Variants in SSBP2 observed in about 807,000 individuals in gnomAD.
SSBP2 encodes single stranded DNA binding protein 2, also known as single-stranded DNA-binding protein 2.
In SSBP2, 17 loss-of-function variants were observed where a neutral mutation model predicts 61.8. The observed-to-expected ratio is 0.28, with a 90% CI of 0.19 to 0.41. The LOEUF (loss-of-function observed/expected upper bound fraction) is 0.41, where lower values mean the gene tolerates loss of function less well. Ranked by LOEUF, SSBP2 falls within the 10% of genes least tolerant of loss-of-function variation. The pLI is 1.00. For synonymous variants in SSBP2, 139 were observed against 141.3 expected (o/e 0.98, Z 0.12); for missense variants, 310 against 458.7 (o/e 0.68, Z 2.96).
At chr5:81,743,986 G>C (rs1272474386) in intron 1 of SSBP2, among the ~76,000 whole-genome samples, 1 of 152,142 alleles carries the variant, frequency 6.6e-6, no homozygotes, top group African/African-American at 2.4e-5. Flanking sequence ...CAATTAAGCT[G>C]TTTTCTGTCT....
rs1160528718 is a variant in SSBP2 at position 81,689,542 on chromosome 5, AG to A, written c.63-39204del. ...GCAGATTTCTCAGCTGAAACCTTAC[AG>A]GCCAGGAGAGAGTACCTAAAGTGCT... On this transcript the variant is annotated intron_variant, in intron 1 of 16. Transcript: ENST00000320672. 4.6e-5 allele frequency among the ~76,000 whole-genome samples: 7 copies of A among 152,106 alleles called. No homozygotes were observed. The East Asian group carries it at 1.4e-3, about 29-fold the overall frequency.
chr5:81,520,760 G>A (rs1170596263), intron 4 of SSBP2, among the ~76,000 whole-genome samples: 1 of 151,470 alleles, frequency 6.6e-6, no homozygotes, highest in Non-Finnish European at 1.5e-5. Context: ...TCTAATTTTT[G>A]TCCCTTGCTC....
At chr5:81,683,937 A>C (rs1203040297) in intron 1 of SSBP2, among the ~76,000 whole-genome samples, 1 of 152,228 alleles carries the variant, frequency 6.6e-6, no homozygotes, top group Non-Finnish European at 1.5e-5. Flanking sequence ...AAAATTCAAA[A>C]TACTGACACC....
intron 1 of SSBP2, among the ~76,000 whole-genome samples, chr5:81,696,883 G>A (rs1753641523): frequency 6.6e-6 from 1 of 152,076 alleles, no homozygotes; most frequent in Admixed American, 6.6e-5. Flanking sequence ...TTCCTCACCT[G>A]GCATCTGGCA....
At chr5:81,659,702 A>G (rs1750525236) in intron 1 of SSBP2, among the ~76,000 whole-genome samples, 1 of 152,146 alleles carries the variant, frequency 6.6e-6, no homozygotes, top group Non-Finnish European at 1.5e-5. Flanking sequence ...GAGCCTGTAT[A>G]ACCAAGACAA....
At chr5:81,441,623 A>G (rs754107504) in intron 13 of SSBP2, among the ~76,000 whole-genome samples, 3 of 152,168 alleles carry the variant, frequency 2.0e-5, no homozygotes, top group Non-Finnish European at 2.9e-5. Flanking sequence ...TTTGGCAGGC[A>G]AACCTGTACT....
At position 81,448,840 on chromosome 5, in the gene SSBP2, G is replaced by T. The variant is rs1763578048; in HGVS notation, c.688-15C>A. 1.2e-6 allele frequency: 2 copies of T among 1,608,232 alleles called. No homozygotes were observed. Among genetic ancestry groups the T allele is most frequent in the African/African-American group, 2.7e-5 (2 of 74,612 alleles). On this transcript the variant is annotated splice_polypyrimidine_tract_variant and intron_variant, in intron 10 of 16. Coordinates refer to ENST00000320672, the MANE Select transcript of SSBP2 (RefSeq NM_012446.5). ...GAGTATGGTATCTGGAACACGAATA[G>T]GACAAAAAAATTTTTGATTCATGTA...
chr5:81,447,028 A>G (rs1436184920), intron 11 of SSBP2, 106 bp from the exon 12 acceptor site: 21 of 714,324 alleles, frequency 2.9e-5, no homozygotes, highest in South Asian at 2.7e-5. Flanking sequence ...GAGCAGAAAT[A>G]TATTTTCTCT....
intron 15 of SSBP2, among the ~76,000 whole-genome samples, chr5:81,434,054 T>C (rs554594722): frequency 6.6e-6 from 1 of 152,200 alleles, no homozygotes. Context: ...AAAATCTTTA[T>C]GTTACAGCTA....
chr5:81,426,625 T>C (rs1488400195), intron 16 of SSBP2, among the ~76,000 whole-genome samples: 1 of 152,230 alleles, frequency 6.6e-6, no homozygotes, highest in Non-Finnish European at 1.5e-5. Flanking sequence ...GCCATGTGCA[T>C]AGTCCATTAG....
chr5:81,513,878 G>C (rs1768808243), intron 4 of SSBP2, among the ~76,000 whole-genome samples, 161 bp from the exon 5 acceptor site: 1 of 152,142 alleles, frequency 6.6e-6, no homozygotes, highest in Admixed American at 6.5e-5. Flanking sequence ...CAACAGTTTA[G>C]TATATGACTG....
At chr5:81,515,812 A>G (rs894454791) in intron 4 of SSBP2, among the ~76,000 whole-genome samples, 1 of 151,884 alleles carries the variant, frequency 6.6e-6, no homozygotes, top group African/African-American at 2.4e-5. Context: ...CGTAAAAGCA[A>G]AACAAAATAA....
At chr5:81,512,340 A>T (rs1188683864) in intron 5 of SSBP2, among the ~76,000 whole-genome samples, 2 of 152,194 alleles carry the variant, frequency 1.3e-5, no homozygotes, top group African/African-American at 2.4e-5. Context: ...GGGAATGATA[A>T]TAATACATAT....
chr5:81,449,386 T>C (rs1295929669), intron 10 of SSBP2, among the ~76,000 whole-genome samples: 2 of 152,164 alleles, frequency 1.3e-5, no homozygotes, highest in Non-Finnish European at 2.9e-5. Context: ...CCAGAAAACC[T>C]ATGTTTAAAA....
chr5:81,617,936 A>G lies in SSBP2; in HGVS notation c.198-2379T>C, dbSNP rs554970725. On this transcript the variant is annotated intron_variant, in intron 3 of 16. Coordinates refer to ENST00000320672, the MANE Select transcript of SSBP2 (RefSeq NM_012446.5). ...TTGTCACCACCAGGCCTGCCCTAAA[A>G]GAGCTCCTGAAGCAAGCGCTAAACA... 1.5e-5 allele frequency among the ~76,000 whole-genome samples: 2 copies of G among 137,694 alleles called. 1 individual carries two copies. Among genetic ancestry groups the G allele is most frequent in the Non-Finnish European group, 3.2e-5 (2 of 62,330 alleles). 90.3% of individuals were successfully genotyped at this position (137,694 alleles called of 152,430 possible). A position where few individuals can be genotyped will look rare whatever the true frequency, so the allele number is the denominator to read the frequency against.
intron 15 of SSBP2, among the ~76,000 whole-genome samples, chr5:81,435,362 C>A (rs1762609519): frequency 6.6e-6 from 1 of 152,194 alleles, no homozygotes. Flanking sequence ...TAAGAATAAA[C>A]CACTTGAGGA....
intron 1 of SSBP2, among the ~76,000 whole-genome samples, chr5:81,728,470 G>A (rs1252306315): frequency 6.6e-6 from 1 of 152,058 alleles, no homozygotes; most frequent in Non-Finnish European, 1.5e-5. Context: ...AACATTGGTC[G>A]AGGAGTCAGA....
At chr5:81,577,675 C>T (rs151032876) in intron 4 of SSBP2, among the ~76,000 whole-genome samples, 1 of 152,004 alleles carries the variant, frequency 6.6e-6, no homozygotes, top group East Asian at 1.9e-4. Flanking sequence ...CAATAAAACT[C>T]ATTTCTATTT....
chr5:81,625,234 G>T (rs991954497), intron 3 of SSBP2, among the ~76,000 whole-genome samples: 4 of 152,104 alleles, frequency 2.6e-5, no homozygotes, highest in Non-Finnish European at 5.9e-5. Flanking sequence ...ATTTGTGCTT[G>T]GGTCGAGGGA....
Sources: allele counts gnomAD v4.1 joint callset (sites outside exome capture counted in the v4.1 genomes callset), GRCh38; gene constraint gnomAD v4.1.1; transcripts MANE v1.5; gene names NCBI Gene and HGNC (gene_info 2026-07-23, HGNC 2026-07-21).